The following CYP4F11 variants were observed in gnomAD, a reference collection of about 807,000 sequenced individuals.
CYP4F11 encodes cytochrome P450 family 4 subfamily F member 11.
CYP4F11 carries 79 observed loss-of-function variants against 62.2 expected under a neutral mutation model. The ratio of observed to expected loss-of-function variants is 1.27; its 90% CI spans 1.06 to 1.53. The LOEUF is 1.53. CYP4F11 is among the 40% of genes most tolerant of loss of function. The pLI, the probability that CYP4F11 is intolerant of heterozygous loss-of-function variation, is 0.00. For synonymous variants in CYP4F11, 290 were observed against 263.7 expected (o/e 1.10, Z -0.97); for missense variants, 777 against 680.5 (o/e 1.14, Z -1.58).
At chr19:15,928,993 G>A (rs11668702) in intron 2 of CYP4F11, among the ~76,000 whole-genome samples, 82,540 of 152,082 alleles carry the variant, frequency 0.54, 22,959 homozygotes, top group Non-Finnish European at 0.6. Flanking sequence ...TACTAATGAT[G>A]TCCACTGCAT....
At position 15,914,287 on chromosome 19, in the gene CYP4F11, G is replaced by C; in HGVS notation, c.1397+18C>G. On this transcript the variant is annotated intron_variant, in intron 11 of 11. Coordinates refer to ENST00000402119, the MANE Select transcript of CYP4F11 (RefSeq NM_021187.4). ...CACCCATCATGCCATCTCTGCCTCA[G>C]ACACAGGCCATCCTTACCTGGGCCC... The C allele has an allele frequency of 6.2e-7, 1 of 1,612,802 alleles. No individual in the cohort carries two copies. Among genetic ancestry groups the C allele is most frequent in the Non-Finnish European group, 8.5e-7 (1 of 1,179,048 alleles).
At position 15,912,789 on chromosome 19, in the gene CYP4F11, AATAT is replaced by A. The variant is rs1555776630; in HGVS notation, c.*939_*942del. 1.0e-5 allele frequency: 1 copy of A among 95,798 alleles called. No individual in the cohort carries two copies. The highest frequency in any genetic ancestry group is 2.8e-4 in the East Asian group (1 of 3,534). 5.9% of individuals were successfully genotyped at this position (95,798 alleles called of 1,614,324 possible). A position where few individuals can be genotyped will look rare whatever the true frequency, so the allele number is the denominator to read the frequency against. ...TGTGTGTGTATATATATATATATAT[AATAT>A]ATATATATATATACATATCTTATAT... On this transcript the variant is annotated 3_prime_UTR_variant, in exon 12 of 12. Coordinates refer to ENST00000402119, the MANE Select transcript of CYP4F11 (RefSeq NM_021187.4).
chr19:15,934,065 CAGAGG>C (rs2089755154), intron 1 of CYP4F11, 141 bp downstream of exon 1: 2 of 257,522 alleles, frequency 7.8e-6, no homozygotes, highest in Non-Finnish European at 1.4e-5. Flanking sequence ...AGTGAGTGGG[CAGAGG>C]AATGAGTGAG....
At chr19:15,929,066 C>T (rs893370209) in intron 2 of CYP4F11, among the ~76,000 whole-genome samples, 1 of 152,204 alleles carries the variant, frequency 6.6e-6, no homozygotes, top group Non-Finnish European at 1.5e-5. Flanking sequence ...CTCCAGGAAG[C>T]CTTCCAATCT....
At chr19:15,921,083 T>C (rs1035871780) in intron 8 of CYP4F11, among the ~76,000 whole-genome samples, 14 of 29,376 alleles carry the variant, frequency 4.8e-4, no homozygotes, top group African/African-American at 1.4e-3. Context: ...TCTCTCTCTC[T>C]CTCTCTCTCT....
rs768921459 is a variant in CYP4F11 at position 15,934,431 on chromosome 19, G to A, written c.-23C>T. The A allele has an allele frequency of 2.5e-6, 4 of 1,610,506 alleles. No homozygotes were observed. The highest frequency in any genetic ancestry group is 2.7e-5 in the African/African-American group (2 of 74,822). On this transcript the variant is annotated 5_prime_UTR_variant, in exon 1 of 12. Coordinates refer to ENST00000402119, the MANE Select transcript of CYP4F11 (RefSeq NM_021187.4). ...CATCCTGCAGGGCAGACGGGATGGA[G>A]GGTGGGATCCTGAGGCCCAGGGAAG...
intron 8 of CYP4F11, among the ~76,000 whole-genome samples, chr19:15,916,830 T>C (rs1373344339): frequency 1.3e-5 from 2 of 152,188 alleles, no homozygotes; most frequent in African/African-American, 4.8e-5. Context: ...GCTGCAAATG[T>C]AAATTAGTAC....
At position 15,912,895 on chromosome 19, in the gene CYP4F11, C is replaced by G. The variant is rs1405879455; in HGVS notation, c.*837G>C. On this transcript the variant is annotated 3_prime_UTR_variant, in exon 12 of 12. Transcript: ENST00000402119. Reference sequence around the variant, plus strand: ...TTTGCCTTTGAGTTCCAAAACACAGCCTTTAAAGTCGTGGTAGAAATAACG... The same window carrying G: ...TTTGCCTTTGAGTTCCAAAACACAGGCTTTAAAGTCGTGGTAGAAATAACG... 8 of 150,124 alleles carry G rather than the reference C, an allele frequency of 5.3e-5. No homozygotes were observed. The Admixed American group carries it at 5.3e-4, about 10-fold the overall frequency. The allele number at this position is 150,124 out of a possible 1,614,324, so 9.3% of individuals were successfully genotyped here.
In CYP4F11 at chr19:15,924,839, T is replaced by C; in HGVS notation, c.569A>G (p.Asp190Gly). 1 of 1,613,034 alleles carries C rather than the reference T, an allele frequency of 6.2e-7. No homozygotes were observed. The highest frequency in any genetic ancestry group is 1.1e-5 in the South Asian group (1 of 91,058). Residue 190 changes from aspartate (D) to glycine (G), a missense_variant, in exon 5 of 12, where the codon GAC becomes GGC. By Grantham distance (94) the Asp-to-Gly change is moderately conservative. Transcript: ENST00000402119. ...CATGAGGCTGATGTGTTCAAACATG[T>C]CCAGTCTGGCGCTGCCCTCTGAGGC... ...RLASEGSARL[D>G]MFEHISLMTL...
chr19:15,913,688 T>C lies in CYP4F11; in HGVS notation c.*44A>G. 1 of 1,611,748 alleles carries C rather than the reference T, an allele frequency of 6.2e-7. No individual in the cohort carries two copies. The highest frequency in any genetic ancestry group is 8.5e-7 in the Non-Finnish European group (1 of 1,178,412). ...GCTCAAGCAGAGGTGTCAGCATAGT[T>C]TTGTTTCTGGGACTCTACAGAGGTG... On this transcript the variant is annotated 3_prime_UTR_variant, in exon 12 of 12. Coordinates refer to ENST00000402119, the MANE Select transcript of CYP4F11 (RefSeq NM_021187.4).
In CYP4F11 at chr19:15,925,917, C is replaced by T. The variant is rs148281401; in HGVS notation, c.526-1035G>A. Among the ~76,000 whole-genome samples, 57 of 151,900 alleles carry T rather than the reference C, an allele frequency of 3.8e-4. No individual in the cohort carries two copies. In the East Asian group the frequency reaches 0.011, roughly 28 times the overall value. The stretch of plus-strand genomic sequence containing the variant: ...CAGTGGCTCATGCCTGTAATTCCAA[C>T]ACTTTGGGAGGCCAAGGCAGGTGGA... On this transcript the variant is annotated intron_variant, in intron 4 of 11. Transcript: ENST00000402119.
intron 2 of CYP4F11, among the ~76,000 whole-genome samples, chr19:15,928,769 G>A (rs1423763721): frequency 6.6e-6 from 1 of 152,320 alleles, no homozygotes; most frequent in East Asian, 1.9e-4. Context: ...GCCCCAGACT[G>A]GGGTGGGATC....
Position 15,913,718 on chromosome 19 carries a change from G to A in CYP4F11, c.*14C>T, listed in dbSNP as rs761179769. ...TTCTGGGACTCTACAGAGGTGGGTG[G>A]GTGGGTAGGACAGTCACTGTGAGTT... On this transcript the variant is annotated 3_prime_UTR_variant, in exon 12 of 12. Coordinates refer to ENST00000402119, the MANE Select transcript of CYP4F11 (RefSeq NM_021187.4). 4 of 1,613,916 alleles carry A rather than the reference G, an allele frequency of 2.5e-6. No homozygotes were observed. The highest frequency in any genetic ancestry group is 2.2e-5 in the East Asian group (1 of 44,868).
intron 8 of CYP4F11, among the ~76,000 whole-genome samples, chr19:15,919,279 C>T (rs2089604906): frequency 6.8e-6 from 1 of 147,308 alleles, no homozygotes; most frequent in South Asian, 2.1e-4. Flanking sequence ...GTATATATTT[C>T]ATTGACTCCT....
intron 8 of CYP4F11, among the ~76,000 whole-genome samples, chr19:15,917,501 A>G (rs542071221): frequency 2.6e-5 from 4 of 152,254 alleles, no homozygotes; most frequent in Non-Finnish European, 5.9e-5. Flanking sequence ...AAAACAGACC[A>G]AAGAATGGAA....
At chr19:15,931,066 A>G (rs749738710) in intron 1 of CYP4F11, among the ~76,000 whole-genome samples, 2 of 152,232 alleles carry the variant, frequency 1.3e-5, no homozygotes, top group East Asian at 3.8e-4. Flanking sequence ...CTGCGGAGTC[A>G]AGGACAGCTT....
rs17845512 is a variant in CYP4F11 at position 15,914,367 on chromosome 19, G to C, written c.1335C>G (p.Phe445Leu). Residue 445 changes from phenylalanine (F) to leucine (L), a missense_variant, in exon 11 of 12, where the codon TTC becomes TTG. By Grantham distance (22) the Phe-to-Leu change is conservative. Coordinates refer to ENST00000402119, the MANE Select transcript of CYP4F11 (RefSeq NM_021187.4). ...ACCTCTCCTTGATGTTCTCTTGGTC[G>C]AAACGGAAGGGGTCGTAGACCTGCA... ...PDPEVYDPFRFDQENIKERSP... is the reference protein window; with the variant it reads ...PDPEVYDPFRLDQENIKERSP... 6.2e-7 allele frequency: 1 copy of C among 1,614,082 alleles called. No individual in the cohort carries two copies. The highest frequency in any genetic ancestry group is 8.5e-7 in the Non-Finnish European group (1 of 1,179,970).
chr19:15,922,901 A>AG (rs397748382), intron 6 of CYP4F11, among the ~76,000 whole-genome samples: 1 of 151,742 alleles, frequency 6.6e-6, no homozygotes, highest in South Asian at 2.1e-4. Context: ...TAAAAAAAAA[A>AG]TTAGCCTGGC....
chr19:15,932,442 G>T (rs1343446441), intron 1 of CYP4F11, among the ~76,000 whole-genome samples: 1 of 85,860 alleles, frequency 1.2e-5, no homozygotes, highest in Non-Finnish European at 2.4e-5. Flanking sequence ...ATGAGTGAGC[G>T]GGGAGAGGAA....
Sources: allele counts gnomAD v4.1 joint callset (sites outside exome capture counted in the v4.1 genomes callset), GRCh38; gene constraint gnomAD v4.1.1; transcripts MANE v1.5; gene names NCBI Gene and HGNC (gene_info 2026-07-23, HGNC 2026-07-21).